Variants in LNX2 observed in about 807,000 individuals in gnomAD.
The protein encoded by LNX2 is ligand of Numb protein X 2.
A neutral mutation model predicts 66.2 loss-of-function variants in LNX2; 35 were observed. That is an observed-to-expected ratio of 0.53 (90% CI 0.40 to 0.70). The LOEUF (loss-of-function observed/expected upper bound fraction) is 0.70. Ranked by LOEUF, LNX2 falls within the 30% of genes least tolerant of loss-of-function variation. The pLI is 0.00. For synonymous variants in LNX2, 337 were observed against 315.6 expected (o/e 1.07, Z -0.72); for missense variants, 791 against 850.8 (o/e 0.93, Z 0.87).
Position 27,583,254 on chromosome 13 carries a change from GTGC to G in LNX2, c.-100-1454_-100-1452del, listed in dbSNP as rs1955438282. 3.1e-5 allele frequency among the ~76,000 whole-genome samples: 2 copies of G among 64,768 alleles called. 1 individual carries two copies. The highest frequency in any genetic ancestry group is 5.6e-5 in the Non-Finnish European group (2 of 35,590). 42.5% of individuals were successfully genotyped at this position (64,768 alleles called of 152,430 possible). On this transcript the variant is annotated intron_variant, in intron 1 of 9. Coordinates refer to ENST00000316334, the MANE Select transcript of LNX2 (RefSeq NM_153371.4). ...TGTGTGTGTGTGTGTGTGTGTGTGTGTGCGCGCGTCCTCTCCAACATACTTATT... is the reference window on the plus strand; with the variant it reads ...TGTGTGTGTGTGTGTGTGTGTGTGTGGCGCGTCCTCTCCAACATACTTATT...
intron 2 of LNX2, among the ~76,000 whole-genome samples, chr13:27,577,265 CAT>C (rs972574532): frequency 2.0e-5 from 3 of 152,168 alleles, no homozygotes; most frequent in African/African-American, 7.2e-5. Flanking sequence ...CTAGAATACA[CAT>C]GATTTGCAAA....
At position 27,583,230 on chromosome 13, in the gene LNX2, G is replaced by GTCCTCTCCAATATAACTT. The variant is rs1555268497; in HGVS notation, c.-100-1428_-100-1427insAAGTTATATTGGAGAGGA. On this transcript the variant is annotated intron_variant, in intron 1 of 9. Transcript: ENST00000316334. The stretch of plus-strand genomic sequence containing the variant: ...TGTGTGTGTGTGTGTGTGTGTGTGT[G>GTCCTCTCCAATATAACTT]TGTGTGTGTGTGTGTGTGTGTGTGT... Among the ~76,000 whole-genome samples, 115 of 23,952 alleles carry GTCCTCTCCAATATAACTT rather than the reference G, an allele frequency of 4.8e-3. 3 individuals carry two copies. Among genetic ancestry groups the GTCCTCTCCAATATAACTT allele is most frequent in the African/African-American group, 0.011 (42 of 3,954 alleles). 15.7% of individuals were successfully genotyped at this position (23,952 alleles called of 152,430 possible).
rs1456101243 is a variant in LNX2, at chr13:27,583,241, T to TGC, written c.-100-1439_-100-1438insGC. Among the ~76,000 whole-genome samples, 23 of 20,554 alleles carry TGC rather than the reference T, an allele frequency of 1.1e-3. 8 individuals are homozygous for TGC. The highest frequency in any genetic ancestry group is 1.8e-3 in the Non-Finnish European group (20 of 11,182). The allele number at this position is 20,554 out of a possible 152,430, so 13.5% of individuals were successfully genotyped here. ...GTGTGTGTGTGTGTGTGTGTGTGTG[T>TGC]GTGTGTGTGTGTGTGCGCGCGTCCT... is the stretch of plus-strand genomic sequence containing the variant. On this transcript the variant is annotated intron_variant, in intron 1 of 9. Coordinates refer to ENST00000316334, the MANE Select transcript of LNX2 (RefSeq NM_153371.4).
In LNX2 at chr13:27,583,257, C is replaced by CGT. The variant is rs1566124895; in HGVS notation, c.-100-1455_-100-1454insAC. Among the ~76,000 whole-genome samples, 26 of 26,700 alleles carry CGT rather than the reference C, an allele frequency of 9.7e-4. 2 individuals are homozygous for CGT. The highest frequency in any genetic ancestry group is 8.7e-3 in the African/African-American group (24 of 2,766). 17.5% of individuals were successfully genotyped at this position (26,700 alleles called of 152,430 possible). A position where few individuals can be genotyped will look rare whatever the true frequency, so the allele number is the denominator to read the frequency against. On this transcript the variant is annotated intron_variant, in intron 1 of 9. Coordinates refer to ENST00000316334, the MANE Select transcript of LNX2 (RefSeq NM_153371.4). ...GTGTGTGTGTGTGTGTGTGTGTGTG[C>CGT]GCGCGTCCTCTCCAACATACTTATT... is the stretch of plus-strand genomic sequence containing the variant.
intron 1 of LNX2, among the ~76,000 whole-genome samples, chr13:27,607,425 G>A (rs1025082666): frequency 1.3e-5 from 2 of 152,092 alleles, no homozygotes; most frequent in Admixed American, 1.3e-4. Flanking sequence ...TAATAAGCTC[G>A]GTTACAAACC....
rs1173437153 is a variant in LNX2 at position 27,560,055 on chromosome 13, G to T, written c.1225-70C>A. On this transcript the variant is annotated intron_variant, in intron 5 of 9. Coordinates refer to ENST00000316334, the MANE Select transcript of LNX2 (RefSeq NM_153371.4). ...TGTCATTTTAAAGATTACACACAGT[G>T]TAATTTTCAATGAACTTCTTAATCA... The T allele has an allele frequency of 7.2e-5, 98 of 1,353,562 alleles. 2 individuals are homozygous for T. The highest frequency in any genetic ancestry group is 9.9e-7 in the Non-Finnish European group (1 of 1,011,080). 83.8% of individuals were successfully genotyped at this position (1,353,562 alleles called of 1,614,324 possible). A position where few individuals can be genotyped will look rare whatever the true frequency, so the allele number is the denominator to read the frequency against.
intron 7 of LNX2, among the ~76,000 whole-genome samples, chr13:27,555,233 G>A (rs1955043728): frequency 6.6e-6 from 1 of 152,200 alleles, no homozygotes. Flanking sequence ...ACAGGCGTGA[G>A]CCACCACACC....
intron 1 of LNX2, among the ~76,000 whole-genome samples, chr13:27,596,460 C>G (rs1320756939): frequency 6.6e-6 from 1 of 152,034 alleles, no homozygotes; most frequent in Non-Finnish European, 1.5e-5. Flanking sequence ...ATTTCTAAAA[C>G]AAATTATAAC....
chr13:27,572,927 T>C (rs1566121083), intron 2 of LNX2, among the ~76,000 whole-genome samples: 1 of 152,138 alleles, frequency 6.6e-6, no homozygotes, highest in Non-Finnish European at 1.5e-5. Context: ...TAAACAAAAA[T>C]TAATTCAAGT....
chr13:27,567,349 A>G (rs749352990), intron 4 of LNX2, among the ~76,000 whole-genome samples: 3 of 152,078 alleles, frequency 2.0e-5, no homozygotes, highest in Non-Finnish European at 2.9e-5. Flanking sequence ...CAAGAAGTCC[A>G]AGCAGGAAGA....
chr13:27,581,762 A>T lies in LNX2; in HGVS notation c.-59T>A, dbSNP rs1955401004. ...TTCCACTTCACGCTTGGTTTCCTTT[A>T]ACAGACAGTGATGTATCTGACTAAA... On this transcript the variant is annotated 5_prime_UTR_variant, in exon 2 of 10. Transcript: ENST00000316334. 7.0e-7 allele frequency: 1 copy of T among 1,437,962 alleles called. No individual in the cohort carries two copies. The highest frequency in any genetic ancestry group is 1.4e-5 in the South Asian group (1 of 72,156). The allele number at this position is 1,437,962 out of a possible 1,614,324, so 89.1% of individuals were successfully genotyped here. A position where few individuals can be genotyped will look rare whatever the true frequency, so the allele number is the denominator to read the frequency against.
At chr13:27,619,243 T>A (rs1029153212) in intron 1 of LNX2, among the ~76,000 whole-genome samples, 2 of 133,770 alleles carry the variant, frequency 1.5e-5, no homozygotes, top group Non-Finnish European at 3.4e-5. Context: ...AACTTTGTTA[T>A]TCATGGCTCA....
chr13:27,550,537 T>C, intron 8 of LNX2, 46 bp from the exon 9 acceptor site: 1 of 1,459,214 alleles, frequency 6.9e-7, no homozygotes. Context: ...ATGGAGGCTT[T>C]TATAGCCGCT....
At position 27,550,373 on chromosome 13, in the gene LNX2, T is replaced by C. The variant is rs139088194; in HGVS notation, c.1897A>G (p.Ile633Val). Reference sequence around the variant, plus strand: ...TAATAAGCAGGAGTTCCCAAGACAATAGTTTTAATGAAAAAAGGCTGATTG... The same window carrying C: ...TAATAAGCAGGAGTTCCCAAGACAACAGTTTTAATGAAAAAAGGCTGATTG... ...HTNQPFFIKTIVLGTPAYYDG... is the reference protein window; with the variant it reads ...HTNQPFFIKTVVLGTPAYYDG... Residue 633 changes from isoleucine to valine, a missense_variant, in exon 9 of 10, where the codon ATT (isoleucine) becomes GTT (valine). By Grantham distance (29) the Ile-to-Val change is conservative. Coordinates refer to ENST00000316334, the MANE Select transcript of LNX2 (RefSeq NM_153371.4). 28 of 1,613,820 alleles carry C rather than the reference T, an allele frequency of 1.7e-5. No individual in the cohort carries two copies. The highest frequency in any genetic ancestry group is 3.3e-5 in the Admixed American group (2 of 59,948).
intron 2 of LNX2, among the ~76,000 whole-genome samples, chr13:27,578,715 G>A (rs572188743): frequency 6.6e-6 from 1 of 152,168 alleles, no homozygotes; most frequent in East Asian, 1.9e-4. Context: ...CAAGTCCCAC[G>A]CACCTAGTCA....
At chr13:27,562,349 A>G in intron 5 of LNX2, 64 bp downstream of exon 5, 1 of 1,519,850 alleles carries the variant, frequency 6.6e-7, no homozygotes, top group Admixed American at 2.2e-5. Context: ...TTGGCCAGTG[A>G]AAACAAATAC....
At chr13:27,578,253 C>G (rs563906928) in intron 2 of LNX2, among the ~76,000 whole-genome samples, 2 of 152,234 alleles carry the variant, frequency 1.3e-5, no homozygotes, top group African/African-American at 4.8e-5. Flanking sequence ...CCTGTAAACC[C>G]TAAAAGCTCA....
At position 27,548,378 on chromosome 13, in the gene LNX2, T is replaced by G. The variant is rs778549709; in HGVS notation, c.2030A>C (p.Lys677Thr). 3.7e-6 allele frequency: 6 copies of G among 1,614,108 alleles called. No individual in the cohort carries two copies. The highest frequency in any genetic ancestry group is 4.2e-6 in the Non-Finnish European group (5 of 1,179,940). ...CCAACAAATAACGGTCAGAGTGACTTTGTTCCTCTGCTCCTTCAACATGGG... is the reference window on the plus strand; with the variant it reads ...CCAACAAATAACGGTCAGAGTGACTGTGTTCCTCTGCTCCTTCAACATGGG... ...LVPMLKEQRN[K>T]VTLTVICWPG... The change falls in exon 10 of 10, where the codon AAA becomes ACA. Residue 677 changes from lysine (K) to threonine (T), a missense_variant. Lys to Thr is a moderately conservative substitution (Grantham distance 78). Transcript: ENST00000316334.
At chr13:27,590,531 G>C (rs1019983258) in intron 1 of LNX2, among the ~76,000 whole-genome samples, 3 of 147,152 alleles carry the variant, frequency 2.0e-5, no homozygotes, top group African/African-American at 7.4e-5. Flanking sequence ...CCCCAGCCCG[G>C]TTTTTTTTTT....
Sources: allele counts gnomAD v4.1 joint callset (sites outside exome capture counted in the v4.1 genomes callset), GRCh38; gene constraint gnomAD v4.1.1; transcripts MANE v1.5; gene names NCBI Gene and HGNC (gene_info 2026-07-23, HGNC 2026-07-21).